The following NEMP2 variants were observed in gnomAD, a reference collection of about 807,000 sequenced individuals.
NEMP2 encodes UPF0571 transmembrane protein.
In NEMP2, 53 loss-of-function variants were observed where a neutral mutation model predicts 54.2. The ratio of observed to expected loss-of-function variants is 0.98; its 90% CI spans 0.78 to 1.23. NEMP2 has a LOEUF of 1.23. Ranked by LOEUF, NEMP2 falls within the 50% of genes most tolerant of loss-of-function variation. The pLI is 0.00. For synonymous variants in NEMP2, 197 were observed against 190.3 expected (o/e 1.04, Z -0.29); for missense variants, 455 against 511.3 (o/e 0.89, Z 1.06).
chr2:190,475,677 C>A, the NEMP2 span, among the ~76,000 whole-genome samples: 2 of 152,124 alleles, frequency 1.3e-5, no homozygotes, highest in Non-Finnish European at 2.9e-5. Flanking sequence ...CATGAAGCTA[C>A]CAATGACTTT....
chr2:190,648,672 G>C, the NEMP2 span, among the ~76,000 whole-genome samples: 1 of 151,662 alleles, frequency 6.6e-6, no homozygotes, highest in Non-Finnish European at 1.5e-5. Flanking sequence ...GAGCAGGCCG[G>C]AGGCGGCGTT....
the NEMP2 span, chr2:190,624,876 A>G: frequency 3.3e-5 from 5 of 152,220 alleles, no homozygotes; most frequent in African/African-American, 1.2e-4. Flanking sequence ...CATATTAGTT[A>G]TTAGGGTAAT....
At chr2:190,497,396 A>G in the NEMP2 span, 13 of 1,591,736 alleles carry the variant, frequency 8.2e-6, no homozygotes, top group Non-Finnish European at 1.1e-5. The surrounding 1 kb of genome is among the most constrained non-coding windows in gnomAD (Gnocchi z 5.2). Flanking sequence ...TCAAATATGT[A>G]GAAAATGCTG....
chr2:190,637,257 G>C, the NEMP2 span, among the ~76,000 whole-genome samples: 1 of 152,204 alleles, frequency 6.6e-6, no homozygotes, highest in Non-Finnish European at 1.5e-5. This position sits in a 1 kb window ranked among gnomAD's most constrained non-coding sequence, Gnocchi z 4.5. Flanking sequence ...GAACAAGAAA[G>C]AGGGCCTTGC....
chr2:190,455,852 A>G, the NEMP2 span, among the ~76,000 whole-genome samples: 3 of 151,678 alleles, frequency 2.0e-5, no homozygotes, highest in Non-Finnish European at 4.4e-5. Flanking sequence ...TAAAAACAGA[A>G]TAGAGCAAAA....
In NEMP2 at chr2:190,510,974, T is replaced by G. The variant is rs1167834428; in HGVS notation, c.954-437A>C. On this transcript the variant is annotated intron_variant, in intron 7 of 8. Transcript: ENST00000409150. This position sits in a 1 kb window ranked among gnomAD's most constrained non-coding sequence, Gnocchi z 5.7. ...TCCTCTATATCATATCTATACTTTT[T>G]TATTGCTGTTATCATGACTGAGGTA... is the stretch of plus-strand genomic sequence containing the variant. Among the ~76,000 whole-genome samples, 1 of 152,200 alleles carries G rather than the reference T, an allele frequency of 6.6e-6. No homozygotes were observed. Among genetic ancestry groups the G allele is most frequent in the Non-Finnish European group, 1.5e-5 (1 of 68,038 alleles).
chr2:190,429,850 T>A, the NEMP2 span, among the ~76,000 whole-genome samples: 1 of 152,206 alleles, frequency 6.6e-6, no homozygotes, highest in Non-Finnish European at 1.5e-5. Context: ...CTTGTTCTTT[T>A]TTTTTCTTTA....
the NEMP2 span, among the ~76,000 whole-genome samples, chr2:190,449,766 A>C: frequency 2.0e-5 from 3 of 152,160 alleles, no homozygotes; most frequent in Non-Finnish European, 4.4e-5. Context: ...TCGCAAGAAC[A>C]AAAAACCAAA....
intron 6 of NEMP2, among the ~76,000 whole-genome samples, chr2:190,515,715 C>T (rs920087409): frequency 2.0e-5 from 3 of 152,080 alleles, no homozygotes; most frequent in Non-Finnish European, 4.4e-5. Context: ...AAATTTGGTG[C>T]TAAAGGTTAG....
chr2:190,436,794 A>G, the NEMP2 span: 1 of 1,614,222 alleles, frequency 6.2e-7, no homozygotes, highest in Non-Finnish European at 8.5e-7. This position sits in a 1 kb window ranked among gnomAD's most constrained non-coding sequence, Gnocchi z 5.3. Flanking sequence ...CAGGAAGCGT[A>G]ACCAAGGAGA....
the NEMP2 span, among the ~76,000 whole-genome samples, chr2:190,430,658 C>T: frequency 2.6e-5 from 4 of 151,800 alleles, no homozygotes. Context: ...CCCCACCTTT[C>T]CCCCTTTTCT....
the NEMP2 span, among the ~76,000 whole-genome samples, chr2:190,581,820 T>C: frequency 2.0e-5 from 3 of 152,188 alleles, no homozygotes; most frequent in Non-Finnish European, 4.4e-5. Flanking sequence ...CCCATTTATA[T>C]TGGTTCCCAA....
the NEMP2 span, among the ~76,000 whole-genome samples, chr2:190,486,177 ACC>A: frequency 6.6e-6 from 1 of 152,336 alleles, no homozygotes; most frequent in Non-Finnish European, 1.5e-5. Context: ...CTAACAAAAG[ACC>A]TTGTTGAGTA....
At chr2:190,568,472 C>A in the NEMP2 span, among the ~76,000 whole-genome samples, 1 of 152,060 alleles carries the variant, frequency 6.6e-6, no homozygotes. This position sits in a 1 kb window ranked among gnomAD's most constrained non-coding sequence, Gnocchi z 4.7. Flanking sequence ...TCAATATAAT[C>A]TTATATATAT....
chr2:190,463,058 A>C, the NEMP2 span, among the ~76,000 whole-genome samples: 1 of 152,190 alleles, frequency 6.6e-6, no homozygotes, highest in African/African-American at 2.4e-5. This position sits in a 1 kb window ranked among gnomAD's most constrained non-coding sequence, Gnocchi z 4.4. Flanking sequence ...AGAGGACAAA[A>C]AAAGGGGAGA....
At chr2:190,464,126 C>T in the NEMP2 span, among the ~76,000 whole-genome samples, 39 of 152,298 alleles carry the variant, frequency 2.6e-4, no homozygotes, top group Non-Finnish European at 1.6e-4. Flanking sequence ...CCTCGAGCAA[C>T]CTTGTATGCA....
the NEMP2 span, among the ~76,000 whole-genome samples, chr2:190,429,764 G>C: frequency 6.6e-6 from 1 of 151,080 alleles, no homozygotes; most frequent in Non-Finnish European, 1.5e-5. Flanking sequence ...TTTAATCTTT[G>C]ACTTTTAAAC....
the NEMP2 span, among the ~76,000 whole-genome samples, chr2:190,633,620 C>A: frequency 6.6e-6 from 1 of 152,074 alleles, no homozygotes; most frequent in African/African-American, 2.4e-5. Context: ...AGCCCATATT[C>A]AACTTTTCAT....
At chr2:190,577,051 G>A in the NEMP2 span, among the ~76,000 whole-genome samples, 1 of 152,150 alleles carries the variant, frequency 6.6e-6, no homozygotes, top group Non-Finnish European at 1.5e-5. This position sits in a 1 kb window ranked among gnomAD's most constrained non-coding sequence, Gnocchi z 4.8. Context: ...GAAAGACAGG[G>A]CCCCTGGTCT....
Sources: gnomAD v4.1 joint callset for allele counts (sites outside exome capture counted in the v4.1 genomes callset) on GRCh38, gnomAD v4.1.1 for gene constraint, Gnocchi (gnomAD v3.1) non-coding constraint, MANE v1.5 for transcripts, NCBI Gene and HGNC (gene_info 2026-07-23, HGNC 2026-07-21) for gene names.